DCC: variants seen among roughly 807,000 people sequenced by gnomAD.
DCC encodes the protein netrin receptor DCC.
In DCC, 58 loss-of-function variants were observed where a neutral mutation model predicts 172.5. That is an observed-to-expected ratio of 0.34 (90% confidence interval 0.27 to 0.42). The LOEUF (loss-of-function observed/expected upper bound fraction) is 0.42. Ranked by LOEUF, DCC falls within the 10% of genes least tolerant of loss-of-function variation. DCC has a pLI of 1.00. For missense variants in DCC, 1,740 were observed against 1,791.0 expected (o/e 0.97, Z 0.51); for synonymous variants, 709 against 644.5 (o/e 1.10, Z -1.52).
intron 2 of DCC, among the ~76,000 whole-genome samples, chr18:52,902,173 T>G (rs186148994): frequency 6.6e-6 from 1 of 152,126 alleles, no homozygotes; most frequent in Non-Finnish European, 1.5e-5. Context: ...TTGTGGAAAA[T>G]GAACCTGAAA....
At chr18:52,997,505 C>A (rs2041500521) in intron 5 of DCC, among the ~76,000 whole-genome samples, 1 of 152,056 alleles carries the variant, frequency 6.6e-6, no homozygotes, top group Admixed American at 6.6e-5. Context: ...TATGATAGGA[C>A]AGACTTGACT....
chr18:52,807,422 A>T (rs138173248), intron 2 of DCC, among the ~76,000 whole-genome samples: 1 of 152,324 alleles, frequency 6.6e-6, no homozygotes, highest in East Asian at 1.9e-4. Context: ...TGATATTAAT[A>T]CACTCACTCA....
At chr18:52,951,994 G>A (rs4147355) in intron 5 of DCC, among the ~76,000 whole-genome samples, 64,379 of 151,938 alleles carry the variant, frequency 0.42, 14,113 homozygotes, top group Middle Eastern at 0.51. Flanking sequence ...CATTTGCTGG[G>A]TCTATAGATG....
rs189149314 is a variant in DCC, at chr18:53,410,884, A to G, written c.3130+238A>G. ...CTTTTTTCATTTACAGTCCTGCTAG[A>G]AGTTTATTGATGTCATGTATATTGG... On this transcript the variant is annotated intron_variant, in intron 20 of 28. Transcript: ENST00000442544. Among the ~76,000 whole-genome samples, 478 of 115,550 alleles carry G rather than the reference A, an allele frequency of 4.1e-3. 3 individuals carry two copies. The highest frequency in any genetic ancestry group is 0.013 in the African/African-American group (456 of 36,008). The allele number at this position is 115,550 out of a possible 152,430, so 75.8% of individuals were successfully genotyped here. A position where few individuals can be genotyped will look rare whatever the true frequency, so the allele number is the denominator to read the frequency against.
chr18:52,991,790 G>A (rs891610317), intron 5 of DCC, among the ~76,000 whole-genome samples: 4 of 152,110 alleles, frequency 2.6e-5, no homozygotes, highest in African/African-American at 4.8e-5. Context: ...TGAGAATCCT[G>A]GATGAGTGGT....
chr18:53,527,233 G>A (rs1458771625), intron 28 of DCC, among the ~76,000 whole-genome samples: 2 of 150,422 alleles, frequency 1.3e-5, no homozygotes, highest in African/African-American at 4.9e-5. Context: ...TAAGAGACAG[G>A]GTCTTGCTGT....
chr18:52,826,045 C>T (rs1378956190), intron 2 of DCC, among the ~76,000 whole-genome samples: 2 of 152,196 alleles, frequency 1.3e-5, no homozygotes, highest in Non-Finnish European at 2.9e-5. Flanking sequence ...TTAAAGAGCA[C>T]TTGAATAATA....
intron 2 of DCC, among the ~76,000 whole-genome samples, chr18:52,794,755 G>C (rs1444633320): frequency 6.6e-6 from 1 of 152,108 alleles, no homozygotes; most frequent in African/African-American, 2.4e-5. Flanking sequence ...TAAGTACGAT[G>C]TTAGCTGTGT....
intron 5 of DCC, among the ~76,000 whole-genome samples, chr18:52,925,596 T>G (rs1479695897): frequency 6.6e-6 from 1 of 152,016 alleles, no homozygotes; most frequent in Middle Eastern, 3.2e-3. Flanking sequence ...TTTAGTCTAA[T>G]TATTCCAGTG....
chr18:53,187,608 C>T (rs2055302951), intron 9 of DCC, among the ~76,000 whole-genome samples: 1 of 152,148 alleles, frequency 6.6e-6, no homozygotes, highest in African/African-American at 2.4e-5. Flanking sequence ...TTTTAAATTA[C>T]TGTACTATTT....
At chr18:53,456,398 G>A (rs1036924024) in intron 23 of DCC, among the ~76,000 whole-genome samples, 3 of 152,160 alleles carry the variant, frequency 2.0e-5, no homozygotes, top group Admixed American at 2.0e-4. Context: ...GGTAGAAGGA[G>A]ACCCTCCTAT....
intron 9 of DCC, among the ~76,000 whole-genome samples, chr18:53,185,746 G>C (rs547482893): frequency 6.6e-6 from 1 of 152,252 alleles, no homozygotes; most frequent in South Asian, 2.1e-4. Flanking sequence ...TAACTTTCAA[G>C]GAACTGGTAG....
chr18:53,103,368 T>C (rs1276745124), intron 7 of DCC, among the ~76,000 whole-genome samples: 1 of 152,004 alleles, frequency 6.6e-6, no homozygotes, highest in East Asian at 1.9e-4. Context: ...GTTTTGTATT[T>C]GTTTAGGGTG....
chr18:53,179,073 G>T lies in DCC; in HGVS notation c.1530G>T (p.Pro510=). 2 of 1,613,902 alleles carry T rather than the reference G, an allele frequency of 1.2e-6. No homozygotes were observed. Among genetic ancestry groups the T allele is most frequent in the Non-Finnish European group, 1.7e-6 (2 of 1,179,878 alleles). The change falls in exon 9 of 29, where the codon CCG becomes CCT. Residue 510 remains proline, a synonymous_variant. Transcript: ENST00000442544. The part of the protein sequence containing the change: ...FRVVAYNEWG[P]GESSQPIKVA... ...TTGTGGCTTACAATGAATGGGGACC[G>T]GGAGAGAGTTCTCAACCCATCAAGG...
rs77633574 is a variant in DCC, at chr18:53,402,987, T to G, written c.2935+94T>G. 4.2e-4 allele frequency: 376 copies of G among 886,010 alleles called. 1 individual carries two copies. The African/African-American group carries it at 5.6e-3, about 13-fold the overall frequency. 54.9% of individuals were successfully genotyped at this position (886,010 alleles called of 1,614,324 possible). On this transcript the variant is annotated intron_variant, in intron 19 of 28. Transcript: ENST00000442544. The stretch of plus-strand genomic sequence containing the variant: ...GCTGCTCCTGCCTTTCGTGTGGCAT[T>G]ATTCTGTCCCTACATCTCAGCTGAC...
intron 5 of DCC, among the ~76,000 whole-genome samples, chr18:52,937,891 C>T (rs1411406051): frequency 3.3e-5 from 5 of 152,028 alleles, no homozygotes; most frequent in African/African-American, 9.7e-5. Context: ...ATTGGGTAAG[C>T]GGCCATGACA....
At chr18:52,745,742 C>T (rs1412470388) in intron 1 of DCC, among the ~76,000 whole-genome samples, 1 of 152,174 alleles carries the variant, frequency 6.6e-6, no homozygotes, top group Non-Finnish European at 1.5e-5. Flanking sequence ...ACTTACTCCT[C>T]CTGTCTAAGG....
chr18:53,073,618 T>C (rs1349401159), intron 7 of DCC, among the ~76,000 whole-genome samples: 2 of 152,126 alleles, frequency 1.3e-5, no homozygotes, highest in Non-Finnish European at 2.9e-5. Context: ...ATAGTTTCAC[T>C]GTAGTAGGGG....
intron 1 of DCC, among the ~76,000 whole-genome samples, chr18:52,386,263 G>A (rs1309090383): frequency 6.6e-6 from 1 of 151,978 alleles, no homozygotes; most frequent in Non-Finnish European, 1.5e-5. Context: ...AACAGTGATT[G>A]GGTTTTTAGG....
Sources: gnomAD v4.1 joint callset for allele counts (sites outside exome capture counted in the v4.1 genomes callset) on GRCh38, gnomAD v4.1.1 for gene constraint, MANE v1.5 for transcripts, NCBI Gene and HGNC (gene_info 2026-07-23, HGNC 2026-07-21) for gene names.